Variants in MMRN1 observed in about 807,000 individuals in gnomAD.
MMRN1 encodes multimerin 1.
In MMRN1, 94 loss-of-function variants were observed where a neutral mutation model predicts 100.7. That is an observed-to-expected ratio of 0.93 (90% CI 0.79 to 1.11). The LOEUF is 1.11. Among genes scored for constraint, MMRN1 ranks in the 50% least tolerant of loss-of-function variants. MMRN1 has a pLI of 0.00. For synonymous variants in MMRN1, 575 were observed against 505.0 expected, an observed-to-expected ratio of 1.14 and a Z score of -1.86; for missense variants, 1,606 against 1,439.1, an observed-to-expected ratio of 1.12 and a Z score of -1.88.
intron 5 of MMRN1, among the ~76,000 whole-genome samples, chr4:89,929,198 G>GT (rs952051775): frequency 1.8e-4 from 27 of 151,724 alleles, no homozygotes; most frequent in South Asian, 8.4e-4. Context: ...CAGGATTACT[G>GT]TTTTTTTTCC....
At chr4:89,925,912 C>A (rs539164479) in intron 4 of MMRN1, among the ~76,000 whole-genome samples, 2 of 152,192 alleles carry the variant, frequency 1.3e-5, no homozygotes, top group Admixed American at 6.6e-5. Context: ...CTGTTCCTGG[C>A]TTATTTCCCT....
intron 1 of MMRN1, among the ~76,000 whole-genome samples, chr4:89,899,896 C>T (rs1326119613): frequency 1.3e-5 from 2 of 151,898 alleles, no homozygotes; most frequent in East Asian, 1.9e-4. Flanking sequence ...CTCTTGTCTA[C>T]CATAATCCAT....
At chr4:89,883,773 A>G (rs971553180) in intron 1 of MMRN1, among the ~76,000 whole-genome samples, 1 of 152,100 alleles carries the variant, frequency 6.6e-6, no homozygotes, top group Admixed American at 6.6e-5. Flanking sequence ...AACTATTTTT[A>G]AAAGGTTCAT....
At chr4:89,941,521 T>G (rs1028388969) in intron 6 of MMRN1, among the ~76,000 whole-genome samples, 2 of 152,140 alleles carry the variant, frequency 1.3e-5, no homozygotes, top group East Asian at 3.8e-4. Flanking sequence ...GCACTTAGTT[T>G]TACTGGGGGC....
At chr4:89,879,993 C>T (rs1720784880) in intron 1 of MMRN1, among the ~76,000 whole-genome samples, 1 of 152,162 alleles carries the variant, frequency 6.6e-6, no homozygotes, top group African/African-American at 2.4e-5. Context: ...TTTAATTTTA[C>T]AGATATTCTG....
intron 2 of MMRN1, 40 bp downstream of exon 2, chr4:89,909,435 C>T (rs758045389): frequency 3.7e-6 from 6 of 1,600,810 alleles, no homozygotes; most frequent in Non-Finnish European, 4.3e-6. Flanking sequence ...GTTTTTGCAC[C>T]ATAATAAATT....
chr4:89,922,354 C>G (rs932989446), intron 3 of MMRN1, among the ~76,000 whole-genome samples: 2 of 152,106 alleles, frequency 1.3e-5, no homozygotes, highest in South Asian at 4.1e-4. Context: ...GATCCACCTG[C>G]CTCAGCCTCC....
chr4:89,900,224 A>T (rs942426547), intron 1 of MMRN1, among the ~76,000 whole-genome samples: 10 of 152,118 alleles, frequency 6.6e-5, no homozygotes, highest in African/African-American at 2.4e-4. Flanking sequence ...TTGATTTCAG[A>T]GATGTATGTC....
At chr4:89,950,817 C>G (rs1723142027) in intron 6 of MMRN1, among the ~76,000 whole-genome samples, 1 of 152,094 alleles carries the variant, frequency 6.6e-6, no homozygotes, top group Non-Finnish European at 1.5e-5. Flanking sequence ...CCTTGGCCTC[C>G]TGAAGTGGTG....
chr4:89,884,527 T>G (rs1336129728), intron 1 of MMRN1, among the ~76,000 whole-genome samples: 1 of 152,176 alleles, frequency 6.6e-6, no homozygotes, highest in African/African-American at 2.4e-5. Context: ...ACATGAATAT[T>G]AATCCTTTAT....
At position 89,909,315 on chromosome 4, in the gene MMRN1, A is replaced by G. The variant is rs1203147419; in HGVS notation, c.663A>G (p.Thr221=). 6.2e-7 allele frequency: 1 copy of G among 1,609,896 alleles called. No individual in the cohort carries two copies. The highest frequency in any genetic ancestry group is 1.7e-5 in the Admixed American group (1 of 59,708). The change falls in exon 2 of 8, where the codon ACA becomes ACG. Residue 221 remains threonine, a synonymous_variant. Coordinates refer to ENST00000264790, the MANE Select transcript of MMRN1 (RefSeq NM_007351.3). ...ATGTACATACCAGGTTATCTCCCAC[A>G]GTGATATTGGACAACCAGGTCACTT... ...CAYVHTRLSP[T]VILDNQVTYV...
At chr4:89,924,659 A>G (rs1020290698) in intron 4 of MMRN1, among the ~76,000 whole-genome samples, 3 of 151,810 alleles carry the variant, frequency 2.0e-5, no homozygotes, top group African/African-American at 7.3e-5. Context: ...CCTGGCCTAT[A>G]TGGTGAAACC....
At chr4:89,942,880 T>A (rs1410820265) in intron 6 of MMRN1, among the ~76,000 whole-genome samples, 2 of 152,168 alleles carry the variant, frequency 1.3e-5, no homozygotes, top group African/African-American at 4.8e-5. Context: ...AGTAAACAAT[T>A]GTTTTACAGT....
intron 1 of MMRN1, among the ~76,000 whole-genome samples, chr4:89,907,781 A>G (rs779579056): frequency 9.3e-5 from 14 of 150,368 alleles, no homozygotes; most frequent in Non-Finnish European, 1.2e-4. Context: ...TAATTGTTTT[A>G]AAGTCATGGG....
At chr4:89,943,117 C>T (rs1722884965) in intron 6 of MMRN1, among the ~76,000 whole-genome samples, 1 of 151,986 alleles carries the variant, frequency 6.6e-6, no homozygotes, top group Non-Finnish European at 1.5e-5. Context: ...GAGAGAATAT[C>T]AAGAAGAAAC....
At chr4:89,936,841 T>C in intron 6 of MMRN1, 43 bp downstream of exon 6, 1 of 1,502,890 alleles carries the variant, frequency 6.7e-7, no homozygotes, top group Non-Finnish European at 8.9e-7. Context: ...CTCTTTTTAC[T>C]TAAATGATAT....
rs377494093 is a variant in MMRN1 at position 89,895,056 on chromosome 4, A to C, written c.85A>C (p.Ile29Leu). 1 of 1,613,818 alleles carries C rather than the reference A, an allele frequency of 6.2e-7. No individual in the cohort carries two copies. Among genetic ancestry groups the C allele is most frequent in the African/African-American group, 1.3e-5 (1 of 74,892 alleles). The change falls in exon 1 of 8, where the codon ATA (isoleucine) becomes CTA (leucine). Residue 29 changes from isoleucine (I) to leucine (L), a missense_variant. Ile to Leu is a conservative substitution (Grantham distance 5). Coordinates refer to ENST00000264790, the MANE Select transcript of MMRN1 (RefSeq NM_007351.3). ...TAACAACAGTAAGCATTCTTGGACT[A>C]TACCTGAGGATGGGAACTCTCAGAA... ...GLNNSKHSWT[I>L]PEDGNSQKTM...
intron 1 of MMRN1, among the ~76,000 whole-genome samples, chr4:89,896,310 G>A (rs1199253256): frequency 6.6e-6 from 1 of 152,092 alleles, no homozygotes. Context: ...TTGCCATCAT[G>A]AATATGATGA....
rs369372586 is a variant in MMRN1 at position 89,926,890 on chromosome 4, C to G, written c.956-905C>G. Among the ~76,000 whole-genome samples, 92 of 152,216 alleles carry G rather than the reference C, an allele frequency of 6.0e-4. 2 individuals carry two copies. The highest frequency in any genetic ancestry group is 2.1e-3 in the African/African-American group (88 of 41,540). ...CAGCACCATTTATTAAAGAGACTGT[C>G]TTTTCCCTGGTTTTTGGCACCTTTG... On this transcript the variant is annotated intron_variant, in intron 4 of 7. Transcript: ENST00000264790.
Sources: allele counts gnomAD v4.1 joint callset (sites outside exome capture counted in the v4.1 genomes callset), GRCh38; gene constraint gnomAD v4.1.1; transcripts MANE v1.5; gene names NCBI Gene and HGNC (gene_info 2026-07-23, HGNC 2026-07-21).